SMYD3: variants seen among roughly 807,000 people sequenced by gnomAD.
The protein encoded by SMYD3 is SET and MYND domain containing 3, also known as histone-lysine N-methyltransferase SMYD3.
A neutral mutation model predicts 57.7 loss-of-function variants in SMYD3; 36 were observed. The observed-to-expected ratio is 0.62, with a 90% CI of 0.48 to 0.82. SMYD3 has a LOEUF of 0.82. Ranked by LOEUF, SMYD3 falls within the 40% of genes least tolerant of loss-of-function variation. The pLI is 0.00. For synonymous variants in SMYD3, 211 were observed against 195.0 expected (o/e 1.08, Z -0.68); for missense variants, 515 against 538.8 (o/e 0.96, Z 0.44).
At chr1:245,782,477 CACCTGACGGCATGGAAGTGGCAAA>C (rs2046871848) in intron 10 of SMYD3, among the ~76,000 whole-genome samples, 1 of 152,218 alleles carries the variant, frequency 6.6e-6, no homozygotes, top group Non-Finnish European at 1.5e-5. Context: ...GGAATTCAAA[CACCTGACGGCATGGAAGTGGCAAA>C]ACCATGTGGG....
intron 8 of SMYD3, among the ~76,000 whole-genome samples, chr1:245,866,605 G>A (rs962173701): frequency 5.9e-5 from 9 of 152,052 alleles, no homozygotes; most frequent in African/African-American, 1.7e-4. Flanking sequence ...AGTGGCACAC[G>A]CCTGTAATCC....
In SMYD3 at chr1:246,459,591, C is replaced by T. The variant is rs544248080; in HGVS notation, c.164+47463G>A. On this transcript the variant is annotated intron_variant, in intron 1 of 11. Transcript: ENST00000490107. ...TCCTTCGCTTCCAGTTTCCTGAGACCTCCCAGCCATGCTTCCTGTACAGCC... is the reference window on the plus strand; with the variant it reads ...TCCTTCGCTTCCAGTTTCCTGAGACTTCCCAGCCATGCTTCCTGTACAGCC... 2.0e-3 allele frequency among the ~76,000 whole-genome samples: 310 copies of T among 152,290 alleles called. 3 individuals are homozygous for T. The highest frequency in any genetic ancestry group is 7.2e-3 in the African/African-American group (298 of 41,544).
chr1:245,823,209 G>C (rs1194436383), intron 10 of SMYD3, among the ~76,000 whole-genome samples: 1 of 152,198 alleles, frequency 6.6e-6, no homozygotes, highest in Non-Finnish European at 1.5e-5. Context: ...TAGAGGACCT[G>C]ATTCATCTCT....
At chr1:246,204,352 C>A (rs1572209604) in intron 5 of SMYD3, among the ~76,000 whole-genome samples, 1 of 152,166 alleles carries the variant, frequency 6.6e-6, no homozygotes. Flanking sequence ...AATGCTGAAG[C>A]CCCCATATCT....
At chr1:246,392,884 A>C (rs962064377) in intron 1 of SMYD3, among the ~76,000 whole-genome samples, 1 of 152,188 alleles carries the variant, frequency 6.6e-6, no homozygotes, top group Non-Finnish European at 1.5e-5. Flanking sequence ...GCATATAGAA[A>C]CATGTTCAAC....
chr1:245,788,397 T>C (rs147602691), intron 10 of SMYD3, among the ~76,000 whole-genome samples: 9 of 152,318 alleles, frequency 5.9e-5, no homozygotes, highest in African/African-American at 2.2e-4. Context: ...TTCCTCTACT[T>C]CTACTAAGCG....
chr1:246,140,761 T>G (rs1489916642), intron 5 of SMYD3, among the ~76,000 whole-genome samples: 2 of 152,044 alleles, frequency 1.3e-5, no homozygotes, highest in African/African-American at 4.8e-5. Context: ...TATAAGCACA[T>G]GCCATCATGC....
chr1:245,797,124 A>C (rs970560944), intron 10 of SMYD3, among the ~76,000 whole-genome samples: 7 of 152,214 alleles, frequency 4.6e-5, no homozygotes, highest in African/African-American at 1.7e-4. Context: ...TGTGAGATAC[A>C]GAATATGAGG....
chr1:246,193,313 G>A (rs1042064736), intron 5 of SMYD3, among the ~76,000 whole-genome samples: 3 of 150,968 alleles, frequency 2.0e-5, no homozygotes, highest in Non-Finnish European at 4.4e-5. Flanking sequence ...AATACAACAA[G>A]ATCACATAGA....
intron 5 of SMYD3, among the ~76,000 whole-genome samples, chr1:246,016,452 A>G (rs946950989): frequency 1.3e-5 from 2 of 150,094 alleles, no homozygotes; most frequent in African/African-American, 2.5e-5. Context: ...GCGTGGTGGC[A>G]TGTGCCTGTA....
rs1447317352 is a variant in SMYD3 at position 246,305,030 on chromosome 1, A to C, written c.531+22171T>G. Among the ~76,000 whole-genome samples, 9 of 152,224 alleles carry C rather than the reference A, an allele frequency of 5.9e-5. 1 individual carries two copies. In the South Asian group the frequency reaches 1.4e-3, roughly 24 times the overall value. On this transcript the variant is annotated intron_variant, in intron 5 of 11. Coordinates refer to ENST00000490107, the MANE Select transcript of SMYD3 (RefSeq NM_001167740.2). The stretch of plus-strand genomic sequence containing the variant: ...GCAACAGGCACAGAAGATAGAAGCT[A>C]AATTCTCATACGATTACTTGGAATA...
At chr1:245,989,937 A>G (rs149540805) in intron 5 of SMYD3, among the ~76,000 whole-genome samples, 2,039 of 152,382 alleles carry the variant, frequency 0.013, 22 homozygotes, top group Middle Eastern at 0.048. Flanking sequence ...CATACCAAAT[A>G]CAAAAGATCT....
At position 246,267,035 on chromosome 1, in the gene SMYD3, A is replaced by G. The variant is rs377445727; in HGVS notation, c.531+60166T>C. Among the ~76,000 whole-genome samples the G allele has an allele frequency of 9.7e-4, 148 of 152,300 alleles. 1 individual carries two copies. The highest frequency in any genetic ancestry group is 3.5e-3 in the African/African-American group (147 of 41,560). On this transcript the variant is annotated intron_variant, in intron 5 of 11. Coordinates refer to ENST00000490107, the MANE Select transcript of SMYD3 (RefSeq NM_001167740.2). ...ATATCTAGTTTTATAAGCCTGGCAA[A>G]TATCTTGCCCCAAAGTTACAGAATA...
rs976898059 is a variant in SMYD3 at position 246,124,511 on chromosome 1, G to A, written c.532-194574C>T. Among the ~76,000 whole-genome samples the A allele has an allele frequency of 2.2e-4, 33 of 152,138 alleles. 1 individual carries two copies. The highest frequency in any genetic ancestry group is 8.0e-4 in the African/African-American group (33 of 41,422). On this transcript the variant is annotated intron_variant, in intron 5 of 11. Coordinates refer to ENST00000490107, the MANE Select transcript of SMYD3 (RefSeq NM_001167740.2). The stretch of plus-strand genomic sequence containing the variant: ...ACAAAGAAGGCGAGGTTTGAATAGA[G>A]CCAACTTCCTAACATGTACCCATCA...
At chr1:245,799,281 C>T (rs2047740053) in intron 10 of SMYD3, among the ~76,000 whole-genome samples, 1 of 152,156 alleles carries the variant, frequency 6.6e-6, no homozygotes, top group African/African-American at 2.4e-5. Flanking sequence ...GGGGTTGCAG[C>T]AGCTCAGCAG....
chr1:245,766,090 G>C (rs1461433651), intron 10 of SMYD3, among the ~76,000 whole-genome samples: 1 of 151,984 alleles, frequency 6.6e-6, no homozygotes, highest in Non-Finnish European at 1.5e-5. Flanking sequence ...CCGACAGAAA[G>C]TTGGGCATGC....
At chr1:246,224,640 G>C (rs1230689157) in intron 5 of SMYD3, among the ~76,000 whole-genome samples, 1 of 151,386 alleles carries the variant, frequency 6.6e-6, no homozygotes, top group Non-Finnish European at 1.5e-5. Flanking sequence ...GGAAGGAGGA[G>C]GAGGAAGGAC....
intron 10 of SMYD3, among the ~76,000 whole-genome samples, chr1:245,791,045 A>G (rs2047246400): frequency 6.6e-6 from 1 of 152,108 alleles, no homozygotes; most frequent in East Asian, 1.9e-4. Flanking sequence ...ACTGGGGAGA[A>G]AGGAGGAGGC....
intron 5 of SMYD3, among the ~76,000 whole-genome samples, chr1:246,255,692 T>G (rs999391449): frequency 5.9e-5 from 9 of 152,088 alleles, no homozygotes; most frequent in African/African-American, 2.2e-4. Context: ...ACTGGCTTGG[T>G]ATAGTTTCAA....
Sources: gnomAD v4.1 joint callset for allele counts (sites outside exome capture counted in the v4.1 genomes callset) on GRCh38, gnomAD v4.1.1 for gene constraint, MANE v1.5 for transcripts, NCBI Gene and HGNC (gene_info 2026-07-23, HGNC 2026-07-21) for gene names.